Variants in ADGRL2 observed in about 807,000 individuals in gnomAD.
ADGRL2 encodes the protein calcium-independent alpha-latrotoxin receptor 2.
Under a neutral mutation model 157.4 loss-of-function variants are expected in ADGRL2, and 44 were observed. The ratio of observed to expected loss-of-function variants is 0.28; its 90% confidence interval spans 0.22 to 0.36. The LOEUF is 0.36. Among genes scored for constraint, ADGRL2 ranks in the 10% least tolerant of loss-of-function variants. The pLI is 1.00. For missense variants in ADGRL2, 1,510 were observed against 1,768.9 expected, an observed-to-expected ratio of 0.85 and a Z score of 2.63; for synonymous variants, 585 against 624.7, an observed-to-expected ratio of 0.94 and a Z score of 0.95.
chr1:81,315,153 A>G (rs1221558767), intron 1 of ADGRL2, among the ~76,000 whole-genome samples: 1 of 152,142 alleles, frequency 6.6e-6, no homozygotes, highest in Non-Finnish European at 1.5e-5. Context: ...TGTCTGCTTT[A>G]AATTACGTAA....
chr1:81,439,238 T>G (rs1190745903), intron 1 of ADGRL2, among the ~76,000 whole-genome samples: 1 of 152,148 alleles, frequency 6.6e-6, no homozygotes, highest in African/African-American at 2.4e-5. Context: ...AGGGTTTCTA[T>G]CTTATTAAGA....
intron 1 of ADGRL2, among the ~76,000 whole-genome samples, chr1:81,371,761 G>C (rs1176367246): frequency 1.3e-5 from 2 of 151,984 alleles, no homozygotes; most frequent in African/African-American, 4.8e-5. Context: ...CTTCATCATG[G>C]GTTATTTGAT....
chr1:81,793,464 GAC>G lies in ADGRL2; in HGVS notation c.-101+31618_-101+31619del, dbSNP rs565138231. Reference sequence around the variant, plus strand: ...AATCATAAATTTAATGGCATATTAAGACACACATCTGTTTCAGTTTTGTAGAA... The same window carrying G: ...AATCATAAATTTAATGGCATATTAAGACACATCTGTTTCAGTTTTGTAGAA... On this transcript the variant is annotated intron_variant, in intron 2 of 20. Coordinates refer to the ADGRL2 transcript ENST00000359929. Among the ~76,000 whole-genome samples the G allele has an allele frequency of 1.8e-4, 27 of 152,186 alleles. No homozygotes were observed. The South Asian group carries it at 5.4e-3, about 30-fold the overall frequency.
intron 1 of ADGRL2, among the ~76,000 whole-genome samples, chr1:81,747,102 C>CATATATGTGT (rs1449533088): frequency 1.5e-5 from 2 of 136,038 alleles, no homozygotes; most frequent in South Asian, 2.3e-4. Context: ...GTAATATATA[C>CATATATGTGT]ATATATGTGT....
intron 2 of ADGRL2, among the ~76,000 whole-genome samples, chr1:81,456,233 T>C (rs1207240789): frequency 6.6e-6 from 1 of 151,868 alleles, no homozygotes; most frequent in East Asian, 1.9e-4. Context: ...TTCCTTTCTC[T>C]TTTTTTAAGA....
At chr1:81,846,613 C>T (rs2092800937) in intron 2 of ADGRL2, among the ~76,000 whole-genome samples, 2 of 151,834 alleles carry the variant, frequency 1.3e-5, no homozygotes, top group Non-Finnish European at 2.9e-5. Context: ...CTTACTATTC[C>T]TGTACCCATC....
chr1:81,642,081 C>T (rs1380924241), intron 3 of ADGRL2, among the ~76,000 whole-genome samples: 16 of 128,752 alleles, frequency 1.2e-4, no homozygotes, highest in Non-Finnish European at 1.8e-4. Flanking sequence ...CTCTACTAAA[C>T]ATACAAAAAA....
At chr1:81,645,789 T>C (rs563658633) in intron 3 of ADGRL2, among the ~76,000 whole-genome samples, 2 of 152,148 alleles carry the variant, frequency 1.3e-5, no homozygotes, top group Non-Finnish European at 2.9e-5. Flanking sequence ...CTTTTCCATA[T>C]TTCCCCCCTC....
At chr1:81,660,880 C>T (rs946293426) in intron 3 of ADGRL2, among the ~76,000 whole-genome samples, 3 of 152,148 alleles carry the variant, frequency 2.0e-5, no homozygotes, top group Non-Finnish European at 4.4e-5. Flanking sequence ...TCTTGCAAGG[C>T]ATACAATCTA....
At chr1:81,334,429 C>T (rs1431087786) in intron 1 of ADGRL2, among the ~76,000 whole-genome samples, 1 of 152,112 alleles carries the variant, frequency 6.6e-6, no homozygotes, top group African/African-American at 2.4e-5. Context: ...AAACATTTTT[C>T]CAATTTCAAG....
At chr1:81,618,811 T>G (rs2081722220) in intron 3 of ADGRL2, among the ~76,000 whole-genome samples, 1 of 152,210 alleles carries the variant, frequency 6.6e-6, no homozygotes, top group Non-Finnish European at 1.5e-5. Flanking sequence ...CAGTTAACTC[T>G]GTTTATTATG....
chr1:81,424,779 G>A (rs2077182366), intron 1 of ADGRL2, among the ~76,000 whole-genome samples: 1 of 152,082 alleles, frequency 6.6e-6, no homozygotes, highest in Admixed American at 6.5e-5. Context: ...AGTCTGCCCA[G>A]TTACCTTCCA....
Position 81,991,241 on chromosome 1 carries a change from A to G in ADGRL2, c.*96A>G, listed in dbSNP as rs749052477. On this transcript the variant is annotated 3_prime_UTR_variant, in exon 24 of 24. Coordinates refer to ENST00000686636, the MANE Select transcript of ADGRL2 (RefSeq NM_001366006.2). ...GCTCCCTCAAACTCTGCTTGAAGAG[A>G]TGACTCTTGACCTGTGGTTCTCTGG... 6.1e-4 allele frequency: 709 copies of G among 1,154,242 alleles called. 3 individuals carry two copies. Among genetic ancestry groups the G allele is most frequent in the Non-Finnish European group, 7.7e-4 (628 of 817,676 alleles). The allele number at this position is 1,154,242 out of a possible 1,614,324, so 71.5% of individuals were successfully genotyped here.
intron 1 of ADGRL2, among the ~76,000 whole-genome samples, chr1:81,372,208 A>G (rs2100992954): frequency 6.6e-6 from 1 of 152,144 alleles, no homozygotes; most frequent in Non-Finnish European, 1.5e-5. Context: ...CTATTACAGT[A>G]GTACTTTAAT....
intron 1 of ADGRL2, among the ~76,000 whole-genome samples, chr1:81,355,162 C>A (rs1663186695): frequency 6.6e-6 from 1 of 151,838 alleles, no homozygotes; most frequent in Non-Finnish European, 1.5e-5. Flanking sequence ...TCCAGCCTGG[C>A]CAAAATGGTG....
chr1:81,443,774 C>T (rs2077551315), intron 1 of ADGRL2, among the ~76,000 whole-genome samples: 1 of 152,050 alleles, frequency 6.6e-6, no homozygotes, highest in Non-Finnish European at 1.5e-5. Context: ...TTATTGCTTG[C>T]AAAATATTTT....
At chr1:81,607,801 G>A (rs2081464340) in intron 3 of ADGRL2, among the ~76,000 whole-genome samples, 1 of 152,014 alleles carries the variant, frequency 6.6e-6, no homozygotes, top group Admixed American at 6.6e-5. Flanking sequence ...AAGAAAATAG[G>A]ACCTCCCTTT....
In ADGRL2 at chr1:81,914,722, C is replaced by T. The variant is rs534066261; in HGVS notation, c.287+7492C>T. On this transcript the variant is annotated intron_variant, in intron 3 of 23. Transcript: ENST00000686636. ...ATGGATTTCTACTAATTCTCTCACT[C>T]GTGGCCTAGTTGTTTCAAGACAACT... Among the ~76,000 whole-genome samples the T allele has an allele frequency of 5.3e-5, 8 of 152,262 alleles. 1 individual carries two copies. In the South Asian group the frequency reaches 1.2e-3, roughly 24 times the overall value.
intron 1 of ADGRL2, among the ~76,000 whole-genome samples, chr1:81,727,812 A>AT (rs2084587978): frequency 6.7e-6 from 1 of 149,920 alleles, no homozygotes; most frequent in Non-Finnish European, 1.5e-5. Context: ...GTGTGAATAA[A>AT]ATATATATAT....
Sources: allele counts gnomAD v4.1 joint callset (sites outside exome capture counted in the v4.1 genomes callset), GRCh38; gene constraint gnomAD v4.1.1; transcripts MANE v1.5; gene names NCBI Gene and HGNC (gene_info 2026-07-23, HGNC 2026-07-21).